The following DLGAP1 variants were observed in gnomAD, a reference collection of about 807,000 sequenced individuals.
DLGAP1 encodes the protein DLG associated protein 1.
DLGAP1 carries 11 observed loss-of-function variants against 90.8 expected under a neutral mutation model. That is an observed-to-expected ratio of 0.12 (90% CI 0.08 to 0.20). The LOEUF (loss-of-function observed/expected upper bound fraction) is 0.20, where lower values mean the gene tolerates loss of function less well. DLGAP1 is among the 10% of genes least tolerant of loss of function. DLGAP1 has a pLI of 1.00. For missense variants in DLGAP1, 1,050 were observed against 1,333.8 expected (o/e 0.79, Z 3.31); for synonymous variants, 558 against 540.7 (o/e 1.03, Z -0.44).
At chr18:4,072,632 G>A (rs2075466465) in intron 2 of DLGAP1, among the ~76,000 whole-genome samples, 1 of 152,090 alleles carries the variant, frequency 6.6e-6, no homozygotes, top group Non-Finnish European at 1.5e-5. Context: ...ACTGCACGCA[G>A]CTAATTTTTG....
At chr18:4,201,656 T>C (rs1298564930) in intron 1 of DLGAP1, among the ~76,000 whole-genome samples, 1 of 152,026 alleles carries the variant, frequency 6.6e-6, no homozygotes, top group African/African-American at 2.4e-5. Flanking sequence ...TTAAAAACTA[T>C]GGAAAAGATG....
intron 1 of DLGAP1, among the ~76,000 whole-genome samples, chr18:4,201,695 T>C (rs1041612495): frequency 6.6e-6 from 1 of 152,034 alleles, no homozygotes; most frequent in Non-Finnish European, 1.5e-5. Context: ...AAGAAGATTA[T>C]ACAAATGGCC....
At chr18:4,058,496 T>C (rs1277693069) in intron 2 of DLGAP1, among the ~76,000 whole-genome samples, 1 of 152,238 alleles carries the variant, frequency 6.6e-6, no homozygotes, top group Non-Finnish European at 1.5e-5. Flanking sequence ...CACAGGGCCT[T>C]ACTCTGTAGC....
At chr18:3,979,646 A>T (rs574042793) in intron 3 of DLGAP1, among the ~76,000 whole-genome samples, 1 of 152,362 alleles carries the variant, frequency 6.6e-6, no homozygotes, top group Non-Finnish European at 1.5e-5. Flanking sequence ...GTTATCCTGC[A>T]TGGTAACCAC....
In DLGAP1 at chr18:3,497,137, A is replaced by G. The variant is rs1211339113; in HGVS notation, c.*2048T>C. ...CTTTCATATTAATCTGTGAGTTCCA[A>G]GTCATTCTCAGTATTGAATGTGACC... On this transcript the variant is annotated 3_prime_UTR_variant, in exon 13 of 13. Coordinates refer to ENST00000315677, the MANE Select transcript of DLGAP1 (RefSeq NM_004746.4). The G allele has an allele frequency of 6.6e-6, 1 of 152,218 alleles. No individual in the cohort carries two copies. The highest frequency in any genetic ancestry group is 1.5e-5 in the Non-Finnish European group (1 of 68,048). 9.4% of individuals were successfully genotyped at this position (152,218 alleles called of 1,614,324 possible).
chr18:3,647,099 T>C (rs375189116), intron 7 of DLGAP1, among the ~76,000 whole-genome samples: 2 of 151,390 alleles, frequency 1.3e-5, no homozygotes, highest in Admixed American at 1.3e-4. Context: ...ATACAAAAAA[T>C]TAGCCAGGCA....
intron 1 of DLGAP1, among the ~76,000 whole-genome samples, chr18:4,251,719 G>A (rs973224127): frequency 6.6e-6 from 1 of 152,108 alleles, no homozygotes; most frequent in Non-Finnish European, 1.5e-5. Context: ...AGCAGGGGGT[G>A]GTTCCTGACT....
chr18:3,549,905 T>G (rs878892519), intron 9 of DLGAP1, among the ~76,000 whole-genome samples: 9 of 151,926 alleles, frequency 5.9e-5, no homozygotes, highest in Admixed American at 5.9e-4. Flanking sequence ...ATTAATTAAT[T>G]TATTTATTAT....
At chr18:3,638,495 C>T (rs1258330144) in intron 7 of DLGAP1, among the ~76,000 whole-genome samples, 3 of 152,182 alleles carry the variant, frequency 2.0e-5, no homozygotes, top group African/African-American at 7.2e-5. Flanking sequence ...AAGTGATCCT[C>T]CCACCTCAGC....
At chr18:3,632,539 G>T (rs2058561921) in intron 7 of DLGAP1, among the ~76,000 whole-genome samples, 1 of 152,078 alleles carries the variant, frequency 6.6e-6, no homozygotes, top group Non-Finnish European at 1.5e-5. Context: ...CTGACCTCAG[G>T]TGATCTGCCT....
At position 3,534,740 on chromosome 18, in the gene DLGAP1, G is replaced by T. The variant is rs1391313089; in HGVS notation, c.2058-125C>A. The T allele has an allele frequency of 6.5e-6, 6 of 928,118 alleles. No individual in the cohort carries two copies. The African/African-American group carries it at 8.6e-5, about 13-fold the overall frequency. 57.5% of individuals were successfully genotyped at this position (928,118 alleles called of 1,614,324 possible). A position where few individuals can be genotyped will look rare whatever the true frequency, so the allele number is the denominator to read the frequency against. On this transcript the variant is annotated intron_variant, in intron 9 of 12. Coordinates refer to ENST00000315677, the MANE Select transcript of DLGAP1 (RefSeq NM_004746.4). Reference sequence around the variant, plus strand: ...GAGTCTCACTCTGTCTCCCAGGCTGGAGTGCAAGTGGCGTGATCTCGGCTC... The same window carrying T: ...GAGTCTCACTCTGTCTCCCAGGCTGTAGTGCAAGTGGCGTGATCTCGGCTC...
chr18:4,189,267 A>G (rs867906683), intron 1 of DLGAP1, among the ~76,000 whole-genome samples: 9 of 151,920 alleles, frequency 5.9e-5, no homozygotes, highest in Admixed American at 4.6e-4. Context: ...TTTTATTTTT[A>G]TTTCATTAGG....
At chr18:3,737,997 C>G (rs1261275746) in intron 6 of DLGAP1, among the ~76,000 whole-genome samples, 1 of 150,518 alleles carries the variant, frequency 6.6e-6, no homozygotes, top group East Asian at 1.9e-4. Context: ...AACAGAGAGC[C>G]AAATCATGAG....
Position 3,638,024 on chromosome 18 carries a change from G to A in DLGAP1, c.1592-55776C>T, listed in dbSNP as rs543059175. 5.7e-4 allele frequency among the ~76,000 whole-genome samples: 82 copies of A among 142,616 alleles called. 1 individual carries two copies. Among genetic ancestry groups the A allele is most frequent in the Middle Eastern group, 3.7e-3 (1 of 268 alleles). The allele number at this position is 142,616 out of a possible 152,430, so 93.6% of individuals were successfully genotyped here. ...TGCAGTGGCATGATCTTGGCTCACT[G>A]CAAGCTCCGCCTCCCGGGTTCCCGC... On this transcript the variant is annotated intron_variant, in intron 7 of 12. Transcript: ENST00000315677.
At position 3,499,175 on chromosome 18, in the gene DLGAP1, T is replaced by C. The variant is rs1456825978; in HGVS notation, c.*10A>G. On this transcript the variant is annotated 3_prime_UTR_variant, in exon 13 of 13. Coordinates refer to ENST00000315677, the MANE Select transcript of DLGAP1 (RefSeq NM_004746.4). The surrounding 1 kb of genome is among the most constrained non-coding windows in gnomAD (Gnocchi z 6.4). ...AGATGCTTGGCGGCGGCGGCCGGGCTGCGGGGCGCTCAGAGCCGGGTCTGC... is the reference window on the plus strand; with the variant it reads ...AGATGCTTGGCGGCGGCGGCCGGGCCGCGGGGCGCTCAGAGCCGGGTCTGC... The C allele has an allele frequency of 3.9e-6, 6 of 1,542,778 alleles. No homozygotes were observed. The highest frequency in any genetic ancestry group is 2.1e-4 in the Middle Eastern group (1 of 4,750).
chr18:4,149,296 T>C (rs552712100), intron 2 of DLGAP1, among the ~76,000 whole-genome samples: 13 of 152,352 alleles, frequency 8.5e-5, no homozygotes, highest in Admixed American at 7.2e-4. Context: ...AATTTATTCA[T>C]GAAGAAGTTA....
intron 8 of DLGAP1, among the ~76,000 whole-genome samples, chr18:3,572,087 T>C (rs1212423731): frequency 6.8e-6 from 1 of 146,480 alleles, no homozygotes; most frequent in Non-Finnish European, 1.5e-5. Flanking sequence ...TTTTTTTTTT[T>C]TTTCTTTTGA....
chr18:3,933,938 A>C (rs1408907740), intron 3 of DLGAP1, among the ~76,000 whole-genome samples: 1 of 152,156 alleles, frequency 6.6e-6, no homozygotes, highest in African/African-American at 2.4e-5. Context: ...GTCAAAGGGC[A>C]TCAATGAGGT....
intron 3 of DLGAP1, among the ~76,000 whole-genome samples, chr18:3,991,695 A>G (rs1236981065): frequency 6.6e-6 from 1 of 152,192 alleles, no homozygotes; most frequent in Non-Finnish European, 1.5e-5. Context: ...TGCATGTTTC[A>G]GACATTCCTG....
Sources: gnomAD v4.1 joint callset for allele counts (sites outside exome capture counted in the v4.1 genomes callset) on GRCh38, gnomAD v4.1.1 for gene constraint, Gnocchi (gnomAD v3.1) non-coding constraint, MANE v1.5 for transcripts, NCBI Gene and HGNC (gene_info 2026-07-23, HGNC 2026-07-21) for gene names.